Variants in AMPD3 observed in about 807,000 individuals in gnomAD.
The protein encoded by AMPD3 is AMP deaminase 3.
AMPD3 carries 57 observed loss-of-function variants against 82.3 expected under a neutral mutation model. The ratio of observed to expected loss-of-function variants is 0.69; its 90% CI spans 0.56 to 0.86. AMPD3 has a LOEUF of 0.86. Among genes scored for constraint, AMPD3 ranks in the 40% least tolerant of loss-of-function variants. The pLI is 0.00. For missense variants in AMPD3, 870 were observed against 1,003.8 expected (o/e 0.87, Z 1.80); for synonymous variants, 381 against 394.7 (o/e 0.97, Z 0.41).
In AMPD3 at chr11:10,501,450, G is replaced by A. The variant is rs375820260; in HGVS notation, c.1722-20G>A. On this transcript the variant is annotated intron_variant, in intron 11 of 14. Coordinates refer to ENST00000396553, the MANE Select transcript of AMPD3 (RefSeq NM_001025389.2). ...CAACTGGGGGGGGCCTTCCTGATTC[G>A]GAAACCCCTTCTCTTACAGGGAGCG... 156 of 1,611,814 alleles carry A rather than the reference G, an allele frequency of 9.7e-5. No homozygotes were observed. In the African/African-American group the frequency reaches 1.6e-3, roughly 17 times the overall value.
chr11:10,461,008 A>T, intron 1 of AMPD3: 1 of 1,109,286 alleles, frequency 9.0e-7, no homozygotes, highest in Non-Finnish European at 1.1e-6. Flanking sequence ...AAAGGCCTTG[A>T]TTTATGTAAT....
Position 10,455,425 on chromosome 11 carries a change from C to A in AMPD3, c.-29C>A. The A allele has an allele frequency of 1.0e-6, 1 of 985,450 alleles. No individual in the cohort carries two copies. The highest frequency in any genetic ancestry group is 1.2e-6 in the Non-Finnish European group (1 of 830,004). 61.0% of individuals were successfully genotyped at this position (985,450 alleles called of 1,614,324 possible). A position where few individuals can be genotyped will look rare whatever the true frequency, so the allele number is the denominator to read the frequency against. The stretch of plus-strand genomic sequence containing the variant: ...TCCAGCCAGCGCTCGGAGCTGGAGG[C>A]CCACGTGGGAGCAGTGAGCGGCTGT... On this transcript the variant is annotated 5_prime_UTR_variant, in exon 1 of 15. Transcript: ENST00000396553.
At position 10,497,533 on chromosome 11, in the gene AMPD3, A is replaced by G. The variant is rs114195447; in HGVS notation, c.1557+595A>G. 2,054 of 975,884 alleles carry G rather than the reference A, an allele frequency of 2.1e-3. 22 individuals carry two copies. In the African/African-American group the frequency reaches 0.032, roughly 15 times the overall value. The allele number at this position is 975,884 out of a possible 1,614,324, so 60.5% of individuals were successfully genotyped here. On this transcript the variant is annotated intron_variant, in intron 10 of 14. Transcript: ENST00000396553. ...GGGGTATCAGATGGTGATACAGGCC[A>G]GTGCCTGGTGATGGATGACTTTCTA...
chr11:10,492,724 C>T (rs537259318), intron 6 of AMPD3, among the ~76,000 whole-genome samples: 60 of 152,204 alleles, frequency 3.9e-4, no homozygotes, highest in African/African-American at 1.4e-3. Context: ...TTAGAGTGAT[C>T]GGGACGGTCT....
upstream of AMPD3, chr11:10,455,182 C>T: frequency 1.0e-5 from 10 of 985,428 alleles, no homozygotes; most frequent in Non-Finnish European, 1.1e-5. Flanking sequence ...ACAGAAATAG[C>T]CATTTTGCTC....
At chr11:10,485,159 G>A (rs1195970666) in intron 5 of AMPD3, 120 bp downstream of exon 5, 34 of 976,774 alleles carry the variant, frequency 3.5e-5, no homozygotes, top group Non-Finnish European at 4.9e-5. Flanking sequence ...CCCAGAAAGA[G>A]CGCGGTTTCT....
chr11:10,494,973 C>T lies in AMPD3; in HGVS notation c.1209C>T (p.Asp403=), dbSNP rs201305673. The T allele has an allele frequency of 1.2e-6, 2 of 1,614,210 alleles. No homozygotes were observed. The highest frequency in any genetic ancestry group is 2.2e-5 in the East Asian group (1 of 44,876). ...CTGTGGGGGCCAGTGAGCTGCGTGA[C>T]CTGTATTTGAAAACTGAAAACTATC... ...YNPVGASELR[D]LYLKTENYLG... The change falls in exon 8 of 15, where the codon GAC becomes GAT. Residue 403 remains aspartate, a synonymous_variant. Coordinates refer to ENST00000396553, the MANE Select transcript of AMPD3 (RefSeq NM_001025389.2).
chr11:10,482,687 ATATATATTAT>A (rs1848948658), intron 4 of AMPD3, among the ~76,000 whole-genome samples: 1 of 151,120 alleles, frequency 6.6e-6, no homozygotes, highest in Non-Finnish European at 1.5e-5. Context: ...AATTAAAAAA[ATATATATTAT>A]TATGTTTTGT....
At position 10,470,380 on chromosome 11, in the gene AMPD3, A is replaced by G. The variant is rs551471058; in HGVS notation, c.222-8146A>G. ...ATCATACTGAATGGGCAAAAACTGG[A>G]AGCATTCCCTTTGAAAACTGGCGCA... On this transcript the variant is annotated intron_variant, in intron 2 of 14. Coordinates refer to ENST00000396553, the MANE Select transcript of AMPD3 (RefSeq NM_001025389.2). Among the ~76,000 whole-genome samples the G allele has an allele frequency of 1.5e-3, 227 of 152,348 alleles. 1 individual carries two copies. The highest frequency in any genetic ancestry group is 2.6e-3 in the Non-Finnish European group (176 of 68,036).
chr11:10,460,221 C>T (rs1848226730), intron 1 of AMPD3, among the ~76,000 whole-genome samples: 3 of 151,652 alleles, frequency 2.0e-5, no homozygotes, highest in Admixed American at 1.3e-4. Flanking sequence ...CCTCAGCCTC[C>T]CTAGCAGCTG....
In AMPD3 at chr11:10,505,986, G is replaced by A. The variant is rs1442744995; in HGVS notation, c.*102G>A. On this transcript the variant is annotated 3_prime_UTR_variant, in exon 15 of 15. Transcript: ENST00000396553. ...AACTAGGACTTTCCTCTGTGAAGAG[G>A]ATGCCTCTGAAGAAATTTTAAACTG... is the stretch of plus-strand genomic sequence containing the variant. The A allele has an allele frequency of 3.6e-6, 5 of 1,396,312 alleles. No homozygotes were observed. The highest frequency in any genetic ancestry group is 5.0e-6 in the Non-Finnish European group (5 of 995,754). The allele number at this position is 1,396,312 out of a possible 1,614,324, so 86.5% of individuals were successfully genotyped here.
Position 10,505,769 on chromosome 11 carries a change from G to T in AMPD3, c.2189G>T (p.Arg730Leu), listed in dbSNP as rs781765090. The change falls in exon 15 of 15, where the codon CGA (arginine) becomes CTA (leucine). Residue 730 changes from arginine to leucine, a missense_variant. Arg to Leu is a moderately radical substitution (Grantham distance 102). Coordinates refer to ENST00000396553, the MANE Select transcript of AMPD3 (RefSeq NM_001025389.2). ...YKEGPEGNDIRKTNVAQIRMA... is the reference protein window; with the variant it reads ...YKEGPEGNDILKTNVAQIRMA... The stretch of plus-strand genomic sequence containing the variant: ...GAAGGACCTGAAGGAAATGATATTC[G>T]AAAGACAAATGTGGCTCAGATCCGG... The T allele has an allele frequency of 6.2e-7, 1 of 1,614,046 alleles. No homozygotes were observed. The highest frequency in any genetic ancestry group is 1.3e-5 in the African/African-American group (1 of 74,938).
At chr11:10,472,842 A>G (rs1028997371) in intron 2 of AMPD3, among the ~76,000 whole-genome samples, 12 of 151,960 alleles carry the variant, frequency 7.9e-5, no homozygotes, top group Non-Finnish European at 1.8e-4. Flanking sequence ...TGTCTTTACT[A>G]AAAATATAAA....
intron 2 of AMPD3, among the ~76,000 whole-genome samples, chr11:10,468,817 T>G (rs1025721218): frequency 7.9e-5 from 12 of 152,100 alleles, no homozygotes; most frequent in Non-Finnish European, 1.6e-4. Flanking sequence ...GCAATCAAAT[T>G]AGAACTCAGG....
At chr11:10,473,457 G>A (rs1402250833) in intron 2 of AMPD3, 2 of 985,252 alleles carry the variant, frequency 2.0e-6, no homozygotes, top group Non-Finnish European at 2.4e-6. Context: ...AGGCCAGGAG[G>A]GGTTGTGGGG....
chr11:10,492,712 C>T (rs749514216), intron 6 of AMPD3, among the ~76,000 whole-genome samples: 17 of 152,134 alleles, frequency 1.1e-4, no homozygotes, highest in Non-Finnish European at 1.5e-4. Context: ...GACACACAAA[C>T]GTTAGAGTGA....
At chr11:10,495,792 A>G (rs1849380479) in intron 9 of AMPD3, 59 bp downstream of exon 9, 1 of 1,604,774 alleles carries the variant, frequency 6.2e-7, no homozygotes, top group Non-Finnish European at 8.5e-7. Context: ...TCTGTCCCTC[A>G]TGGGCTGCTG....
At chr11:10,499,013 C>T (rs1373440303) in intron 10 of AMPD3, among the ~76,000 whole-genome samples, 1 of 151,122 alleles carries the variant, frequency 6.6e-6, no homozygotes, top group Admixed American at 6.6e-5. Flanking sequence ...TGAGGCTACT[C>T]AGGCCCATCT....
At position 10,507,415 on chromosome 11, in the gene AMPD3, T is replaced by C. The variant is rs1159401726; in HGVS notation, c.*1531T>C. On this transcript the variant is annotated 3_prime_UTR_variant, in exon 15 of 15. Coordinates refer to ENST00000396553, the MANE Select transcript of AMPD3 (RefSeq NM_001025389.2). ...ATATATGCTATCTTACAGCTAATTA[T>C]GAAATTGAATGAAAATCCATTGTTA... 2 of 152,214 alleles carry C rather than the reference T, an allele frequency of 1.3e-5. No homozygotes were observed. Among genetic ancestry groups the C allele is most frequent in the Non-Finnish European group, 2.9e-5 (2 of 68,040 alleles). The allele number at this position is 152,214 out of a possible 1,614,324, so 9.4% of individuals were successfully genotyped here.
Sources: gnomAD v4.1 joint callset for allele counts (sites outside exome capture counted in the v4.1 genomes callset) on GRCh38, gnomAD v4.1.1 for gene constraint, MANE v1.5 for transcripts, NCBI Gene and HGNC (gene_info 2026-07-23, HGNC 2026-07-21) for gene names.